Variants in EPC1 observed in about 807,000 individuals in gnomAD.
The protein encoded by EPC1 is enhancer of polycomb homolog 1.
In EPC1, 12 loss-of-function variants were observed where a neutral mutation model predicts 98.4. The observed-to-expected ratio is 0.12, with a 90% CI of 0.08 to 0.20. The LOEUF (loss-of-function observed/expected upper bound fraction) is 0.20, where lower values mean the gene tolerates loss of function less well. Ranked by LOEUF, EPC1 falls within the 10% of genes least tolerant of loss-of-function variation. EPC1 has a pLI of 1.00. For synonymous variants in EPC1, 357 were observed against 363.9 expected (o/e 0.98, Z 0.21); for missense variants, 729 against 990.5 (o/e 0.74, Z 3.54).
At chr10:32,312,374 G>C (rs1227709300) in intron 1 of EPC1, among the ~76,000 whole-genome samples, 1 of 152,104 alleles carries the variant, frequency 6.6e-6, no homozygotes, top group Admixed American at 6.5e-5. Context: ...CAATTAGAGA[G>C]ACATCTGAAA....
chr10:32,309,895 G>A (rs1459885178), intron 1 of EPC1, among the ~76,000 whole-genome samples: 2 of 147,618 alleles, frequency 1.4e-5, no homozygotes, highest in Non-Finnish European at 3.0e-5. Context: ...TAGTATAGTG[G>A]TTAAGAACAT....
intron 1 of EPC1, among the ~76,000 whole-genome samples, chr10:32,358,685 C>A (rs1396649659): frequency 6.7e-6 from 1 of 149,910 alleles, no homozygotes; most frequent in Middle Eastern, 3.6e-3. Flanking sequence ...TTTAAATTTT[C>A]ACGGTTTAAG....
chr10:32,268,863 T>A lies in EPC1; in HGVS notation c.*200A>T. On this transcript the variant is annotated 3_prime_UTR_variant, in exon 14 of 14. Coordinates refer to ENST00000319778, the MANE Select transcript of EPC1 (RefSeq NM_001272004.3). ...AGTACTGTACAGATAATTGCTGTAT[T>A]CTTAATTTACAGATGTTGATTTTTT... 1.9e-6 allele frequency: 1 copy of A among 520,302 alleles called. No homozygotes were observed. Among genetic ancestry groups the A allele is most frequent in the Non-Finnish European group, 3.4e-6 (1 of 290,318 alleles). 32.2% of individuals were successfully genotyped at this position (520,302 alleles called of 1,614,324 possible).
exon 1 of EPC1, chr10:32,378,508 A>C: frequency 6.5e-7 from 1 of 1,543,926 alleles, no homozygotes; most frequent in Non-Finnish European, 8.8e-7. Flanking sequence ...GCAGGCAAAG[A>C]AGACGGCAGT....
At chr10:32,316,139 C>T (rs916865253) in intron 1 of EPC1, among the ~76,000 whole-genome samples, 3 of 152,248 alleles carry the variant, frequency 2.0e-5, no homozygotes, top group African/African-American at 7.2e-5. Context: ...TCAGATCATT[C>T]CTTACCAGTT....
chr10:32,350,062 C>T (rs1401334974), upstream of EPC1, among the ~76,000 whole-genome samples: 1 of 152,178 alleles, frequency 6.6e-6, no homozygotes, highest in Non-Finnish European at 1.5e-5. Flanking sequence ...CTTTTCTGTT[C>T]TCAACTTAAA....
At chr10:32,290,505 A>AG (rs1339569393) in intron 6 of EPC1, among the ~76,000 whole-genome samples, 69 of 77,512 alleles carry the variant, frequency 8.9e-4, no homozygotes, top group African/African-American at 3.8e-3. Flanking sequence ...AAAAAAAAAA[A>AG]AAAGAAAGAA....
At chr10:32,281,061 G>T (rs1836386813) in intron 10 of EPC1, among the ~76,000 whole-genome samples, 2 of 152,078 alleles carry the variant, frequency 1.3e-5, no homozygotes. Flanking sequence ...TTGAGATGGA[G>T]TCTTGCCCTG....
At chr10:32,284,534 TAGCAACAGGATTCAAATAA>T in intron 10 of EPC1, 145 bp downstream of exon 10, 1 of 578,132 alleles carries the variant, frequency 1.7e-6, no homozygotes, top group Non-Finnish European at 3.0e-6. Context: ...CAAACTCCTA[TAGCAACAGGATTCAAATAA>T]ATACTTAGAC....
intron 10 of EPC1, among the ~76,000 whole-genome samples, chr10:32,280,538 A>G (rs1179087948): frequency 6.6e-6 from 1 of 152,108 alleles, no homozygotes; most frequent in Non-Finnish European, 1.5e-5. Context: ...CAGGAGTTCA[A>G]GACCAGCCTG....
exon 1 of EPC1, chr10:32,378,497 T>C (rs1839915595): frequency 6.5e-7 from 1 of 1,547,308 alleles, no homozygotes. Flanking sequence ...TTACCATTAG[T>C]GCAGGCAAAG....
chr10:32,356,319 A>T (rs1240119271), intron 1 of EPC1, among the ~76,000 whole-genome samples: 1 of 152,144 alleles, frequency 6.6e-6, no homozygotes, highest in East Asian at 1.9e-4. Context: ...TGCTTAGGTA[A>T]GCACTGTGAA....
chr10:32,362,501 C>G (rs1839472212), intron 1 of EPC1, among the ~76,000 whole-genome samples: 1 of 152,180 alleles, frequency 6.6e-6, no homozygotes, highest in South Asian at 2.1e-4. Context: ...AATAAGAGTT[C>G]TCATTCCCAC....
intron 1 of EPC1, among the ~76,000 whole-genome samples, chr10:32,334,679 T>C (rs973264046): frequency 2.0e-5 from 3 of 152,364 alleles, no homozygotes; most frequent in Admixed American, 6.5e-5. Context: ...GGTCCTAGAC[T>C]CAGATAATTT....
intron 1 of EPC1, among the ~76,000 whole-genome samples, chr10:32,345,954 G>C (rs1010712068): frequency 6.6e-6 from 1 of 152,174 alleles, no homozygotes; most frequent in Non-Finnish European, 1.5e-5. Context: ...TCAGAAGAGA[G>C]AGGTACTCCA....
At chr10:32,306,959 G>A (rs1835908152) in intron 1 of EPC1, among the ~76,000 whole-genome samples, 1 of 151,932 alleles carries the variant, frequency 6.6e-6, no homozygotes, top group African/African-American at 2.4e-5. Flanking sequence ...CATTAGGAAT[G>A]TGTATTTTCT....
At chr10:32,347,285 G>C (rs921474621), upstream of EPC1, 2 of 883,270 alleles carry the variant, frequency 2.3e-6, no homozygotes, top group East Asian at 5.7e-5. Flanking sequence ...GCCAACCCCC[G>C]GCACCCGCCG....
At chr10:32,284,481 C>A (rs1272866844) in intron 10 of EPC1, 7 of 413,824 alleles carry the variant, frequency 1.7e-5, no homozygotes, top group African/African-American at 4.1e-5. Flanking sequence ...TAGAAATAAA[C>A]CATCTTTGTA....
In EPC1 at chr10:32,291,293, A is replaced by G; in HGVS notation, c.845T>C (p.Ile282Thr). ...RYNLGDYNGEIMSEVMAQRQP... is the reference protein window; with the variant it reads ...RYNLGDYNGETMSEVMAQRQP... The stretch of plus-strand genomic sequence containing the variant: ...TCTCTGTGCCATAACCTCAGACATG[A>G]TCTCTCCATTGTAGTCGCCCAAATT... Residue 282 changes from isoleucine to threonine, a missense_variant, in exon 6 of 14, where the codon ATC becomes ACC. Physicochemically the swap from Ile to Thr is moderately conservative, Grantham distance 89. Transcript: ENST00000319778. 1 of 1,613,758 alleles carries G rather than the reference A, an allele frequency of 6.2e-7. No individual in the cohort carries two copies. The highest frequency in any genetic ancestry group is 1.1e-5 in the South Asian group (1 of 91,038).
Sources: allele counts gnomAD v4.1 joint callset (sites outside exome capture counted in the v4.1 genomes callset), GRCh38; gene constraint gnomAD v4.1.1; transcripts MANE v1.5; gene names NCBI Gene and HGNC (gene_info 2026-07-23, HGNC 2026-07-21).